The following VPS13D variants were observed in gnomAD, a reference collection of about 807,000 sequenced individuals.
VPS13D encodes vacuolar protein sorting 13 homolog D.
Under a neutral mutation model 461.9 loss-of-function variants are expected in VPS13D, and 187 were observed. The ratio of observed to expected loss-of-function variants is 0.40; its 90% CI spans 0.36 to 0.46. The LOEUF is 0.46. VPS13D is among the 20% of genes least tolerant of loss of function. The pLI, the probability that VPS13D is intolerant of heterozygous loss-of-function variation, is 0.60. For missense variants in VPS13D, 4,711 were observed against 5,364.9 expected (o/e 0.88, Z 3.81); for synonymous variants, 1,951 against 1,986.3 (o/e 0.98, Z 0.47).
intron 30 of VPS13D, 140 bp downstream of exon 30, chr1:12,314,467 C>T (rs1289661051): frequency 2.9e-5 from 23 of 781,442 alleles, no homozygotes; most frequent in Non-Finnish European, 4.5e-5. Flanking sequence ...GTGCAGTGTA[C>T]TGTATATTAA....
At chr1:12,493,175 C>T (rs1456083791) in intron 67 of VPS13D, among the ~76,000 whole-genome samples, 2 of 141,114 alleles carry the variant, frequency 1.4e-5, no homozygotes, top group Non-Finnish European at 3.0e-5. Flanking sequence ...GTCCTAAAGA[C>T]CAGTTATTAA....
Position 12,322,901 on chromosome 1 carries a change from A to T in VPS13D, c.7915+155A>T, listed in dbSNP as rs1478035545. 2.0e-5 allele frequency among the ~76,000 whole-genome samples: 3 copies of T among 152,192 alleles called. No homozygotes were observed. In the East Asian group the frequency reaches 5.8e-4, roughly 29 times the overall value. On this transcript the variant is annotated intron_variant, in intron 34 of 69. Transcript: ENST00000620676. ...CCTAAGTATGACTCTCTCATTTTTT[A>T]AAATTTAAAAACAAACAAAACATCC...
intron 50 of VPS13D, among the ~76,000 whole-genome samples, chr1:12,359,844 G>A (rs1245691782): frequency 6.6e-6 from 1 of 152,192 alleles, no homozygotes; most frequent in Non-Finnish European, 1.5e-5. Context: ...ATCTTAACTT[G>A]TTCTCACTTT....
In VPS13D at chr1:12,329,847, G is replaced by A. The variant is rs762329183; in HGVS notation, c.8216G>A (p.Arg2739His). 1.6e-5 allele frequency: 26 copies of A among 1,613,956 alleles called. No homozygotes were observed. Among genetic ancestry groups the A allele is most frequent in the East Asian group, 6.7e-5 (3 of 44,900 alleles). The change falls in exon 37 of 70, where the codon CGT becomes CAT. Residue 2739 changes from arginine to histidine, a missense_variant. Physicochemically the swap from Arg to His is conservative, Grantham distance 29 (BLOSUM62 0). Coordinates refer to ENST00000620676, the MANE Select transcript of VPS13D (RefSeq NM_015378.4). ...ATTGCAGGTCTGAATTTTCTTCAGCGTGTAAGAACTAGCCCTGAAGGCTAT... is the reference window on the plus strand; with the variant it reads ...ATTGCAGGTCTGAATTTTCTTCAGCATGTAAGAACTAGCCCTGAAGGCTAT... The part of the protein sequence containing the change: ...LTFSRLNFLQ[R>H]VRTSPEGYAH...
intron 37 of VPS13D, among the ~76,000 whole-genome samples, chr1:12,331,712 A>T (rs1042979641): frequency 1.5e-4 from 16 of 106,186 alleles, no homozygotes; most frequent in African/African-American, 4.7e-4. Context: ...ACTCTGTCTT[A>T]AAAAAAAAAA....
chr1:12,334,890 AC>A (rs1366805092), intron 38 of VPS13D, among the ~76,000 whole-genome samples: 2 of 152,178 alleles, frequency 1.3e-5, no homozygotes, highest in African/African-American at 4.8e-5. Flanking sequence ...CGTAGCTATG[AC>A]CTCTTGTGTT....
chr1:12,282,611 G>T, intron 20 of VPS13D, 94 bp from the exon 21 acceptor site: 1 of 1,222,844 alleles, frequency 8.2e-7, no homozygotes. Context: ...ACAGCCTCAT[G>T]TAGGAATCAT....
intron 44 of VPS13D, 62 bp from the exon 45 acceptor site, chr1:12,348,761 T>C: frequency 6.3e-7 from 1 of 1,581,532 alleles, no homozygotes. Flanking sequence ...CTGATCGATA[T>C]TATTGTATTT....
intron 68 of VPS13D, among the ~76,000 whole-genome samples, chr1:12,498,793 C>T (rs572788670): frequency 1.3e-5 from 2 of 152,226 alleles, no homozygotes; most frequent in East Asian, 3.9e-4. Flanking sequence ...CACTGTGTCC[C>T]CACATTGCAG....
chr1:12,425,513 T>G (rs1644913597), intron 65 of VPS13D, among the ~76,000 whole-genome samples: 1 of 151,950 alleles, frequency 6.6e-6, no homozygotes. Context: ...GAGCTGAGAT[T>G]GTGCCACTGC....
intron 67 of VPS13D, among the ~76,000 whole-genome samples, chr1:12,493,071 GT>G (rs199981849): frequency 0.16 from 22,231 of 139,786 alleles, 2,443 homozygotes; most frequent in African/African-American, 0.31. Context: ...GAGTGATGGA[GT>G]TTTTTTTTTT....
intron 60 of VPS13D, among the ~76,000 whole-genome samples, chr1:12,395,168 T>C (rs1249916588): frequency 6.6e-6 from 1 of 152,200 alleles, no homozygotes; most frequent in Non-Finnish European, 1.5e-5. Flanking sequence ...GTCATCACTG[T>C]TGCCTTAGGC....
intron 39 of VPS13D, 179 bp from the exon 40 acceptor site, chr1:12,338,052 T>G: frequency 1.9e-6 from 1 of 517,882 alleles, no homozygotes; most frequent in Non-Finnish European, 3.5e-6. Flanking sequence ...CATAAAAATG[T>G]GTTCACTTTG....
At chr1:12,429,731 C>A (rs1644968395) in intron 65 of VPS13D, among the ~76,000 whole-genome samples, 1 of 152,224 alleles carries the variant, frequency 6.6e-6, no homozygotes. Context: ...CTCCTCCCTT[C>A]CCCATGCCTC....
Position 12,378,497 on chromosome 1 carries a change from G to A in VPS13D, c.10987G>A (p.Val3663Ile). The A allele has an allele frequency of 6.2e-7, 1 of 1,612,906 alleles. No individual in the cohort carries two copies. Among genetic ancestry groups the A allele is most frequent in the South Asian group, 1.1e-5 (1 of 90,898 alleles). The change falls in exon 56 of 70, where the codon GTT becomes ATT. Residue 3663 changes from valine to isoleucine, a missense_variant. By Grantham distance (29) the Val-to-Ile change is conservative. Around this residue, in one of 3 missense-constraint regions of VPS13D, gnomAD observed 4,411 missense variants for 4,937.8 expected, o/e 0.89. Transcript: ENST00000620676. ...AATGCTGGCCCATGAGGGCTCCTCAGTTCCTCACAATCCCAATAAGCCCTC... is the reference window on the plus strand; with the variant it reads ...AATGCTGGCCCATGAGGGCTCCTCAATTCCTCACAATCCCAATAAGCCCTC... ...TGMLAHEGSS[V>I]PHNPNKPSAA...
chr1:12,308,340 C>A, intron 26 of VPS13D, 91 bp from the exon 27 acceptor site: 1 of 1,361,444 alleles, frequency 7.3e-7, no homozygotes, highest in Non-Finnish European at 1.0e-6. Context: ...TTTTCAAAGA[C>A]AGAATGAGCT....
chr1:12,409,996 C>T, intron 63 of VPS13D: 1 of 442,594 alleles, frequency 2.3e-6, no homozygotes, highest in South Asian at 1.6e-5. Flanking sequence ...CAGCTGCCAA[C>T]AGGCAGAGAA....
At chr1:12,465,157 G>T (rs1408909186) in intron 67 of VPS13D, 1 of 152,224 alleles carries the variant, frequency 6.6e-6, no homozygotes, top group Non-Finnish European at 1.5e-5. Flanking sequence ...AAATACCTTT[G>T]AGAAGAAAGG....
rs1330559256 is a variant in VPS13D, at chr1:12,449,390, G to A, written c.12334-6608G>A. On this transcript the variant is annotated intron_variant, in intron 65 of 69. Transcript: ENST00000620676. ...TTCTTGCCAAACCTCAACTTGTTCC[G>A]TGCCTTTTTTTTTTTTTTAAATGCC... Among the ~76,000 whole-genome samples the A allele has an allele frequency of 2.7e-5, 4 of 150,302 alleles. 1 individual carries two copies. The highest frequency in any genetic ancestry group is 4.4e-5 in the Non-Finnish European group (3 of 67,742).
Sources: allele counts gnomAD v4.1 joint callset (sites outside exome capture counted in the v4.1 genomes callset), GRCh38; gene constraint gnomAD v4.1.1; regional missense constraint gnomAD v4.1.1; transcripts MANE v1.5; gene names NCBI Gene and HGNC (gene_info 2026-07-23, HGNC 2026-07-21).